THADA: variants seen among roughly 807,000 people sequenced by gnomAD.
THADA encodes the protein THADA armadillo repeat containing, also known as tRNA (32-2'-O)-methyltransferase regulator THADA.
In THADA, 213 loss-of-function variants were observed where a neutral mutation model predicts 219.8. That is an observed-to-expected ratio of 0.97 (90% confidence interval 0.87 to 1.09). The LOEUF (loss-of-function observed/expected upper bound fraction) is 1.09. THADA is among the 50% of genes least tolerant of loss of function. The pLI, the probability that THADA is intolerant of heterozygous loss-of-function variation, is 0.00. For missense variants in THADA, 2,956 were observed against 2,311.3 expected (o/e 1.28, Z -5.72); for synonymous variants, 1,018 against 828.9 (o/e 1.23, Z -3.92).
At chr2:43,400,035 G>C (rs577727297) in intron 28 of THADA, among the ~76,000 whole-genome samples, 3 of 152,302 alleles carry the variant, frequency 2.0e-5, no homozygotes, top group Admixed American at 2.0e-4. Flanking sequence ...TGTGTTTTAT[G>C]TTACCGAAAG....
intron 26 of THADA, among the ~76,000 whole-genome samples, chr2:43,462,268 CTCTAAGAT>C (rs1450013853): frequency 1.3e-5 from 2 of 152,156 alleles, no homozygotes; most frequent in Non-Finnish European, 2.9e-5. Context: ...TCCACAGAAA[CTCTAAGAT>C]TCCTGCCAGT....
intron 36 of THADA, among the ~76,000 whole-genome samples, chr2:43,246,980 G>A (rs1278864609): frequency 6.6e-6 from 1 of 152,174 alleles, no homozygotes; most frequent in Non-Finnish European, 1.5e-5. Context: ...GAGTTTAGAG[G>A]GCAGCAAGAC....
At chr2:43,338,623 G>C (rs1666749415) in intron 30 of THADA, among the ~76,000 whole-genome samples, 1 of 152,036 alleles carries the variant, frequency 6.6e-6, no homozygotes, top group African/African-American at 2.4e-5. Flanking sequence ...TTGTCTTTTT[G>C]TGATTGGCTT....
chr2:43,325,081 C>T (rs556454995), intron 30 of THADA, among the ~76,000 whole-genome samples: 2 of 152,164 alleles, frequency 1.3e-5, no homozygotes, highest in Non-Finnish European at 2.9e-5. Context: ...CACTTAAGAA[C>T]TTGATTAATA....
chr2:43,402,360 G>C (rs1156241259), intron 28 of THADA, among the ~76,000 whole-genome samples: 1 of 152,140 alleles, frequency 6.6e-6, no homozygotes, highest in Non-Finnish European at 1.5e-5. Context: ...AACAGATGAA[G>C]GATCTTCAAA....
In THADA at chr2:43,290,419, G is replaced by C. The variant is rs182068914; in HGVS notation, c.5010+1277C>G. Reference sequence around the variant, plus strand: ...CTCCCTGGCTTGCCTTTGAGTGACAGATCTAAGGAAATTGGACCTGCTTGT... The same window carrying C: ...CTCCCTGGCTTGCCTTTGAGTGACACATCTAAGGAAATTGGACCTGCTTGT... On this transcript the variant is annotated intron_variant, in intron 34 of 37. Transcript: ENST00000405975. Among the ~76,000 whole-genome samples, 31 of 152,148 alleles carry C rather than the reference G, an allele frequency of 2.0e-4. No individual in the cohort carries two copies. The East Asian group carries it at 2.5e-3, about 12-fold the overall frequency.
At chr2:43,398,260 T>A in intron 28 of THADA, 121 bp from the exon 29 acceptor site, 1 of 1,007,280 alleles carries the variant, frequency 9.9e-7, no homozygotes. Context: ...AGACAGGAGC[T>A]GCTCCTTATC....
At chr2:43,431,159 C>T (rs923865199) in intron 26 of THADA, among the ~76,000 whole-genome samples, 1 of 152,118 alleles carries the variant, frequency 6.6e-6, no homozygotes, top group Admixed American at 6.5e-5. Flanking sequence ...CCTAACCTAC[C>T]CATTTTTATC....
chr2:43,260,133 G>A (rs529232217), intron 36 of THADA, among the ~76,000 whole-genome samples: 57 of 152,168 alleles, frequency 3.7e-4, no homozygotes, highest in Non-Finnish European at 6.5e-4. Flanking sequence ...ACAAGTGCCC[G>A]CCACCACATC....
chr2:43,435,542 G>A (rs1679979696), intron 26 of THADA, among the ~76,000 whole-genome samples: 1 of 152,022 alleles, frequency 6.6e-6, no homozygotes, highest in African/African-American at 2.4e-5. Context: ...CAGCACTTTG[G>A]GAGGCTGAGG....
chr2:43,272,618 T>C (rs1430770270), intron 36 of THADA, among the ~76,000 whole-genome samples: 1 of 149,138 alleles, frequency 6.7e-6, no homozygotes, highest in African/African-American at 2.5e-5. Context: ...AGTTTTGGTT[T>C]TGTGCTTTTT....
At chr2:43,463,595 T>C (rs1327113624) in intron 26 of THADA, among the ~76,000 whole-genome samples, 2 of 152,240 alleles carry the variant, frequency 1.3e-5, no homozygotes, top group Non-Finnish European at 2.9e-5. Context: ...AAGAATGTTT[T>C]TTCAAGTCAG....
At chr2:43,440,409 A>C (rs1432185060) in intron 26 of THADA, among the ~76,000 whole-genome samples, 1 of 152,204 alleles carries the variant, frequency 6.6e-6, no homozygotes, top group Non-Finnish European at 1.5e-5. Flanking sequence ...TTCCTTGTTA[A>C]TAAATTACAA....
chr2:43,482,274 T>C (rs758815343), intron 26 of THADA, among the ~76,000 whole-genome samples: 11 of 152,132 alleles, frequency 7.2e-5, no homozygotes, highest in Non-Finnish European at 1.6e-4. Context: ...AAAATAAGAC[T>C]AATGGGTGCA....
chr2:43,236,875 C>G (rs1558446622), intron 36 of THADA, among the ~76,000 whole-genome samples: 1 of 143,372 alleles, frequency 7.0e-6, no homozygotes, highest in African/African-American at 2.7e-5. Flanking sequence ...TCCTGGCTAA[C>G]ATAGTGAAAC....
intron 29 of THADA, among the ~76,000 whole-genome samples, chr2:43,352,515 G>A (rs550361733): frequency 5.1e-4 from 77 of 151,628 alleles, no homozygotes; most frequent in South Asian, 1.9e-3. Flanking sequence ...CAGAGATCGC[G>A]CCACTGCACT....
At chr2:43,445,422 G>C (rs1457526723) in intron 26 of THADA, among the ~76,000 whole-genome samples, 3 of 152,144 alleles carry the variant, frequency 2.0e-5, no homozygotes, top group East Asian at 1.9e-4. Context: ...TTTCTCCCTA[G>C]AGTAGTTAAC....
chr2:43,234,558 C>T (rs1667806514), intron 36 of THADA, among the ~76,000 whole-genome samples: 1 of 152,202 alleles, frequency 6.6e-6, no homozygotes, highest in Non-Finnish European at 1.5e-5. Context: ...ATACAATCTC[C>T]ATTTTTACCT....
intron 16 of THADA, among the ~76,000 whole-genome samples, chr2:43,559,642 CA>C (rs1316291955): frequency 6.6e-6 from 1 of 152,192 alleles, no homozygotes; most frequent in Non-Finnish European, 1.5e-5. Flanking sequence ...TGTTCACTTC[CA>C]ACCCCACCTT....
Sources: gnomAD v4.1 joint callset for allele counts (sites outside exome capture counted in the v4.1 genomes callset) on GRCh38, gnomAD v4.1.1 for gene constraint, MANE v1.5 for transcripts, NCBI Gene and HGNC (gene_info 2026-07-23, HGNC 2026-07-21) for gene names.